Variants in RNF216 observed in about 807,000 individuals in gnomAD.
RNF216 encodes the protein E3 ubiquitin-protein ligase RNF216.
RNF216 carries 72 observed loss-of-function variants against 110.8 expected under a neutral mutation model. That is an observed-to-expected ratio of 0.65 (90% CI 0.54 to 0.79). The LOEUF (loss-of-function observed/expected upper bound fraction) is 0.79, where lower values mean the gene tolerates loss of function less well. Among genes scored for constraint, RNF216 ranks in the 30% least tolerant of loss-of-function variants. The probability of loss-of-function intolerance (pLI) is 0.00; values close to 1 mark genes in which losing one functional copy is unlikely to be tolerated. For synonymous variants in RNF216, 495 were observed against 407.5 expected (o/e 1.21, Z -2.59); for missense variants, 1,342 against 1,141.2 (o/e 1.18, Z -2.54).
intron 8 of RNF216, among the ~76,000 whole-genome samples, chr7:5,722,967 C>CA (rs916538411): frequency 5.9e-5 from 9 of 151,868 alleles, no homozygotes; most frequent in African/African-American, 1.4e-4. Context: ...ACAACAGCAA[C>CA]AAAAAAAATC....
intron 14 of RNF216, among the ~76,000 whole-genome samples, chr7:5,646,978 T>C (rs184273922): frequency 1.8e-3 from 274 of 152,318 alleles, no homozygotes; most frequent in Non-Finnish European, 3.2e-3. Context: ...GCCCTAGACA[T>C]GTACGTAGTC....
At chr7:5,644,314 C>T (rs1411538485) in intron 14 of RNF216, among the ~76,000 whole-genome samples, 1 of 152,116 alleles carries the variant, frequency 6.6e-6, no homozygotes, top group Non-Finnish European at 1.5e-5. Flanking sequence ...ATACTGGTGT[C>T]ATTTTTTCTA....
chr7:5,660,317 G>A (rs1463000876), intron 13 of RNF216, among the ~76,000 whole-genome samples: 5 of 75,356 alleles, frequency 6.6e-5, no homozygotes, highest in Non-Finnish European at 1.3e-4. Flanking sequence ...TTTTGAGATG[G>A]AGTCTCGCTT....
chr7:5,695,196 C>T (rs567739443), intron 13 of RNF216, among the ~76,000 whole-genome samples: 107 of 152,318 alleles, frequency 7.0e-4, no homozygotes, highest in African/African-American at 2.5e-3. Flanking sequence ...TATATGACCT[C>T]CTGGGTCCGG....
Position 5,622,989 on chromosome 7 carries a change from C to A in RNF216, c.2643G>T (p.Gly881=). ...PVFNNFPLNM[G]PIPAPYVPPL... ...GGGGCACGTACGGGGCTGGGATAGGCCCCATGTTGAGTGGGAAGTTGTTGA... is the reference window on the plus strand; with the variant it reads ...GGGGCACGTACGGGGCTGGGATAGGACCCATGTTGAGTGGGAAGTTGTTGA... The change falls in exon 17 of 17, where the codon GGG becomes GGT. Residue 881 remains glycine (G), a synonymous_variant. Transcript: ENST00000389902. 6.2e-7 allele frequency: 1 copy of A among 1,614,004 alleles called. No homozygotes were observed. The highest frequency in any genetic ancestry group is 8.5e-7 in the Non-Finnish European group (1 of 1,179,996).
chr7:5,760,061 A>G (rs1795851404), intron 2 of RNF216, among the ~76,000 whole-genome samples: 1 of 152,186 alleles, frequency 6.6e-6, no homozygotes, highest in Admixed American at 6.5e-5. Context: ...ATTGCAAAAA[A>G]TGAACGTAAG....
chr7:5,685,635 G>C (rs1345896443), intron 13 of RNF216, among the ~76,000 whole-genome samples: 4 of 152,212 alleles, frequency 2.6e-5, no homozygotes, highest in Admixed American at 2.0e-4. Flanking sequence ...TAGTGGAAAA[G>C]GAAGTAAAAC....
intron 5 of RNF216, among the ~76,000 whole-genome samples, chr7:5,736,460 C>CG (rs1334635193): frequency 1.3e-5 from 2 of 152,178 alleles, no homozygotes; most frequent in African/African-American, 2.4e-5. Flanking sequence ...GGCGCGATCT[C>CG]GGCTCGCTAC....
chr7:5,681,360 A>G (rs1215233608), intron 13 of RNF216, among the ~76,000 whole-genome samples: 3 of 152,188 alleles, frequency 2.0e-5, no homozygotes, highest in Non-Finnish European at 4.4e-5. Context: ...TCTGAAAGAG[A>G]AAAGTCATCC....
chr7:5,679,187 G>A (rs900145884), intron 13 of RNF216, among the ~76,000 whole-genome samples: 3 of 152,052 alleles, frequency 2.0e-5, no homozygotes, highest in African/African-American at 7.2e-5. Context: ...TCACCCTCGG[G>A]TAGGGGTGGT....
intron 15 of RNF216, among the ~76,000 whole-genome samples, chr7:5,640,522 G>C (rs1292366404): frequency 6.6e-6 from 1 of 152,066 alleles, no homozygotes; most frequent in East Asian, 1.9e-4. Flanking sequence ...TCCCCAAACA[G>C]ACCCTATGTG....
At chr7:5,744,871 C>T (rs1282514561) in intron 3 of RNF216, among the ~76,000 whole-genome samples, 1 of 151,872 alleles carries the variant, frequency 6.6e-6, no homozygotes, top group Non-Finnish European at 1.5e-5. Context: ...ATTTGGGAGG[C>T]TGAGGCAGCA....
chr7:5,775,585 G>A (rs1249865872), intron 1 of RNF216, among the ~76,000 whole-genome samples: 4 of 152,036 alleles, frequency 2.6e-5, no homozygotes, highest in Non-Finnish European at 5.9e-5. Flanking sequence ...AGTGGGCAAA[G>A]CAGGCCAGGT....
chr7:5,745,115 A>G (rs1794965232), intron 3 of RNF216, among the ~76,000 whole-genome samples: 1 of 152,204 alleles, frequency 6.6e-6, no homozygotes, highest in African/African-American at 2.4e-5. Context: ...CGGAGAAAAC[A>G]CTAATATTAG....
chr7:5,672,626 G>C (rs1409604724), intron 13 of RNF216, among the ~76,000 whole-genome samples: 1 of 152,158 alleles, frequency 6.6e-6, no homozygotes, highest in Admixed American at 6.5e-5. Context: ...ACATTCTCTT[G>C]CTGGTACCCG....
intron 2 of RNF216, among the ~76,000 whole-genome samples, chr7:5,755,446 A>G (rs972855561): frequency 4.6e-5 from 7 of 152,240 alleles, no homozygotes; most frequent in Non-Finnish European, 8.8e-5. Flanking sequence ...ATCTGTGTAT[A>G]ATCACCACCA....
chr7:5,683,338 GC>G (rs1267776870), intron 13 of RNF216, among the ~76,000 whole-genome samples: 1 of 152,030 alleles, frequency 6.6e-6, no homozygotes, highest in African/African-American at 2.4e-5. Flanking sequence ...TGTCACCCAG[GC>G]TGGAGTGCAG....
chr7:5,623,917 T>A lies in RNF216; in HGVS notation c.2452+139A>T. On this transcript the variant is annotated intron_variant, in intron 16 of 16. Coordinates refer to ENST00000389902, the MANE Select transcript of RNF216 (RefSeq NM_207111.4). ...CTGAGATGTGGCCGCGTGGGTGAAGTCAGGTCTATAGCCACCTGAGGGACA... is the reference window on the plus strand; with the variant it reads ...CTGAGATGTGGCCGCGTGGGTGAAGACAGGTCTATAGCCACCTGAGGGACA... The A allele has an allele frequency of 4.5e-6, 3 of 667,894 alleles. No individual in the cohort carries two copies. The Admixed American group carries it at 8.7e-5, about 19-fold the overall frequency. 41.4% of individuals were successfully genotyped at this position (667,894 alleles called of 1,614,324 possible).
chr7:5,682,842 G>C (rs1419596824), intron 13 of RNF216, among the ~76,000 whole-genome samples: 1 of 152,114 alleles, frequency 6.6e-6, no homozygotes, highest in African/African-American at 2.4e-5. Flanking sequence ...TCCTACTCTA[G>C]GGATCTATTC....
Sources: allele counts gnomAD v4.1 joint callset (sites outside exome capture counted in the v4.1 genomes callset), GRCh38; gene constraint gnomAD v4.1.1; transcripts MANE v1.5; gene names NCBI Gene and HGNC (gene_info 2026-07-23, HGNC 2026-07-21).